The following RORA variants were observed in gnomAD, a reference collection of about 807,000 sequenced individuals.
The protein encoded by RORA is nuclear receptor ROR-alpha.
Under a neutral mutation model 69.5 loss-of-function variants are expected in RORA, and 7 were observed. That is an observed-to-expected ratio of 0.10 (90% CI 0.06 to 0.19). RORA has a LOEUF of 0.19. RORA is among the 10% of genes least tolerant of loss of function. The probability of loss-of-function intolerance (pLI) is 1.00; values close to 1 mark genes in which losing one functional copy is unlikely to be tolerated. For synonymous variants in RORA, 261 were observed against 240.8 expected (o/e 1.08, Z -0.78); for missense variants, 457 against 663.0 (o/e 0.69, Z 3.41).
intron 2 of RORA, among the ~76,000 whole-genome samples, chr15:60,592,185 C>A (rs970310864): frequency 6.6e-6 from 1 of 151,984 alleles, no homozygotes; most frequent in African/African-American, 2.4e-5. Context: ...CCTTTGCCCC[C>A]CAATCGGAGG....
At chr15:61,017,515 A>AG (rs1555402044) in intron 1 of RORA, among the ~76,000 whole-genome samples, 1 of 151,978 alleles carries the variant, frequency 6.6e-6, no homozygotes, top group Non-Finnish European at 1.5e-5. Context: ...TGCAAGCTTA[A>AG]AAAAAAGATG....
chr15:60,875,877 C>CT (rs1483373983), intron 1 of RORA, among the ~76,000 whole-genome samples: 1 of 152,154 alleles, frequency 6.6e-6, no homozygotes, highest in Non-Finnish European at 1.5e-5. Flanking sequence ...AACATTTTGG[C>CT]TTTTTTCACC....
chr15:60,567,186 C>A (rs2067736718), intron 2 of RORA, among the ~76,000 whole-genome samples: 1 of 149,708 alleles, frequency 6.7e-6, no homozygotes, highest in South Asian at 2.1e-4. Flanking sequence ...TTTATAGATT[C>A]TCTTAAAAAA....
chr15:61,217,709 G>C (rs996935500), intron 1 of RORA, among the ~76,000 whole-genome samples: 2 of 152,028 alleles, frequency 1.3e-5, no homozygotes, highest in Non-Finnish European at 1.5e-5. Flanking sequence ...AATATATGTT[G>C]AATGAAAGAA....
At chr15:60,952,541 C>T (rs1287010103) in intron 1 of RORA, among the ~76,000 whole-genome samples, 1 of 151,698 alleles carries the variant, frequency 6.6e-6, no homozygotes, top group East Asian at 1.9e-4. Context: ...TCTAGAAAAC[C>T]CCATTGTCTC....
At chr15:60,591,888 C>T (rs901441364) in intron 2 of RORA, among the ~76,000 whole-genome samples, 1 of 151,984 alleles carries the variant, frequency 6.6e-6, no homozygotes, top group African/African-American at 2.4e-5. Context: ...GGCGCAAGGC[C>T]TGGGGCGCTG....
chr15:60,748,970 G>C (rs1423540139), intron 1 of RORA, among the ~76,000 whole-genome samples: 1 of 152,104 alleles, frequency 6.6e-6, no homozygotes, highest in African/African-American at 2.4e-5. Flanking sequence ...TCAATATTTT[G>C]TATAATAGAT....
At chr15:60,708,100 T>A (rs2071089455) in intron 1 of RORA, among the ~76,000 whole-genome samples, 1 of 152,198 alleles carries the variant, frequency 6.6e-6, no homozygotes, top group South Asian at 2.1e-4. Flanking sequence ...GATAGAGAGC[T>A]TATCTGTTAG....
intron 1 of RORA, among the ~76,000 whole-genome samples, chr15:60,997,142 T>TGTGGGAAGTACTA (rs1894576835): frequency 6.6e-6 from 1 of 152,050 alleles, no homozygotes; most frequent in Admixed American, 6.6e-5. Context: ...GACGTTTTGA[T>TGTGGGAAGTACTA]GTGGGAAGTA....
rs61188463 is a variant in RORA, at chr15:61,175,541, T to TAAATAAAAAAAAAAAAA, written c.166+53511_166+53512insTTTTTTTTTTTTTATTT. Among the ~76,000 whole-genome samples, 11 of 120,208 alleles carry TAAATAAAAAAAAAAAAA rather than the reference T, an allele frequency of 9.2e-5. 4 individuals carry two copies. The highest frequency in any genetic ancestry group is 1.2e-4 in the Non-Finnish European group (7 of 57,532). The allele number at this position is 120,208 out of a possible 152,430, so 78.9% of individuals were successfully genotyped here. A position where few individuals can be genotyped will look rare whatever the true frequency, so the allele number is the denominator to read the frequency against. On this transcript the variant is annotated intron_variant, in intron 1 of 10. Transcript: ENST00000335670. ...GAGCAACATAGTGAGATCCTGTTTC[T>TAAATAAAAAAAAAAAAA]AAAAAAAAAAAAAAAAAACTTGCCA...
At chr15:61,081,099 A>G (rs933468366) in intron 1 of RORA, among the ~76,000 whole-genome samples, 1 of 152,178 alleles carries the variant, frequency 6.6e-6, no homozygotes, top group Non-Finnish European at 1.5e-5. Flanking sequence ...CAGTACATAC[A>G]TATTTCTGGT....
intron 1 of RORA, chr15:60,686,852 A>G (rs2070758017): frequency 6.6e-6 from 1 of 152,194 alleles, no homozygotes; most frequent in Non-Finnish European, 1.5e-5. Flanking sequence ...GCTGGCCCCA[A>G]AGCAAGTCAG....
At chr15:61,173,885 T>G (rs937056218) in intron 1 of RORA, among the ~76,000 whole-genome samples, 5 of 152,188 alleles carry the variant, frequency 3.3e-5, no homozygotes, top group African/African-American at 1.2e-4. Flanking sequence ...AGGCTCTAAT[T>G]AAACTGGTCC....
intron 1 of RORA, among the ~76,000 whole-genome samples, chr15:61,178,493 C>T (rs937798489): frequency 6.6e-6 from 1 of 151,786 alleles, no homozygotes; most frequent in East Asian, 1.9e-4. Flanking sequence ...ATAAATATAT[C>T]AATTTTATCT....
At chr15:60,627,238 C>G in intron 2 of RORA, 1 of 1,614,118 alleles carries the variant, frequency 6.2e-7, no homozygotes, top group Non-Finnish European at 8.5e-7. Flanking sequence ...TGGCTCTTAC[C>G]TTCTGGCTCC....
At chr15:60,816,201 T>G (rs924813439) in intron 1 of RORA, among the ~76,000 whole-genome samples, 27 of 346 alleles carry the variant, frequency 0.078, no homozygotes, top group South Asian at 0.5. Context: ...CTGTAAACAG[T>G]ATATGTATTT....
At chr15:61,089,475 G>A (rs2078673433) in intron 1 of RORA, among the ~76,000 whole-genome samples, 2 of 152,236 alleles carry the variant, frequency 1.3e-5, no homozygotes, top group African/African-American at 4.8e-5. Context: ...CACAGAAAAT[G>A]GCTGAGACCT....
At chr15:61,039,627 C>G (rs1252664994) in intron 1 of RORA, among the ~76,000 whole-genome samples, 1 of 151,708 alleles carries the variant, frequency 6.6e-6, no homozygotes, top group Non-Finnish European at 1.5e-5. Context: ...CACCTGTAAT[C>G]CCAGCTACTC....
chr15:61,169,062 A>T (rs1271754369), intron 1 of RORA, among the ~76,000 whole-genome samples: 1 of 152,036 alleles, frequency 6.6e-6, no homozygotes, highest in African/African-American at 2.4e-5. Flanking sequence ...GAGCTTGGGA[A>T]CTTGCTGTAT....
Sources: gnomAD v4.1 joint callset for allele counts (sites outside exome capture counted in the v4.1 genomes callset) on GRCh38, gnomAD v4.1.1 for gene constraint, MANE v1.5 for transcripts, NCBI Gene and HGNC (gene_info 2026-07-23, HGNC 2026-07-21) for gene names.